PACS1: variants seen among roughly 807,000 people sequenced by gnomAD.
PACS1 encodes PACS-1.
A neutral mutation model predicts 115.0 loss-of-function variants in PACS1; 24 were observed. That is an observed-to-expected ratio of 0.21 (90% confidence interval 0.15 to 0.29). The LOEUF (loss-of-function observed/expected upper bound fraction) is 0.29, where lower values mean the gene tolerates loss of function less well. Among genes scored for constraint, PACS1 ranks in the 10% least tolerant of loss-of-function variants. The probability of loss-of-function intolerance (pLI) is 1.00; values close to 1 mark genes in which losing one functional copy is unlikely to be tolerated. For synonymous variants in PACS1, 453 were observed against 504.5 expected (o/e 0.90, Z 1.37); for missense variants, 838 against 1,251.2 (o/e 0.67, Z 4.98).
intron 1 of PACS1, among the ~76,000 whole-genome samples, chr11:66,132,943 CAGA>C (rs1056581096): frequency 5.9e-5 from 9 of 152,192 alleles, no homozygotes; most frequent in African/African-American, 1.9e-4. Context: ...GCTGGGATTA[CAGA>C]AGTGAGCCAT....
At chr11:66,117,676 ATCTCT>A (rs757966618) in intron 1 of PACS1, among the ~76,000 whole-genome samples, 2 of 151,234 alleles carry the variant, frequency 1.3e-5, no homozygotes, top group Non-Finnish European at 2.9e-5. Flanking sequence ...GAGAAACCCC[ATCTCT>A]ACTAAAAATA....
chr11:66,233,166 C>G lies in PACS1; in HGVS notation c.1838+100C>G, dbSNP rs1377228568. On this transcript the variant is annotated intron_variant, in intron 15 of 23. Coordinates refer to ENST00000320580, the MANE Select transcript of PACS1 (RefSeq NM_018026.4). This position sits in a 1 kb window ranked among gnomAD's most constrained non-coding sequence, Gnocchi z 4.5. Reference sequence around the variant, plus strand: ...CAATGATAGACCCTCCTGGCCTCATCAGACCAAGAATTTGCAGAGGGGCGT... The same window carrying G: ...CAATGATAGACCCTCCTGGCCTCATGAGACCAAGAATTTGCAGAGGGGCGT... The G allele has an allele frequency of 1.9e-5, 17 of 883,664 alleles. No individual in the cohort carries two copies. The highest frequency in any genetic ancestry group is 5.3e-6 in the Non-Finnish European group (3 of 561,350). The allele number at this position is 883,664 out of a possible 1,614,324, so 54.7% of individuals were successfully genotyped here. A position where few individuals can be genotyped will look rare whatever the true frequency, so the allele number is the denominator to read the frequency against.
intron 1 of PACS1, among the ~76,000 whole-genome samples, chr11:66,168,837 G>T (rs1361285383): frequency 6.7e-6 from 1 of 149,390 alleles, no homozygotes; most frequent in Non-Finnish European, 1.5e-5. Flanking sequence ...TTTGTTGCTG[G>T]TGTTTAGAAA....
intron 2 of PACS1, among the ~76,000 whole-genome samples, chr11:66,202,742 A>AATATATATATATAT (rs56203680): frequency 2.9e-4 from 21 of 71,572 alleles, no homozygotes; most frequent in African/African-American, 7.2e-4. Flanking sequence ...AAAAAAAAAA[A>AATATATATATATAT]ATATATATAT....
intron 1 of PACS1, among the ~76,000 whole-genome samples, chr11:66,162,905 T>A (rs993732360): frequency 5.3e-5 from 8 of 152,356 alleles, no homozygotes; most frequent in Non-Finnish European, 1.0e-4. Flanking sequence ...CTGATGGGTA[T>A]AATAAAATGA....
chr11:66,079,375 C>T (rs947497655), intron 1 of PACS1, among the ~76,000 whole-genome samples: 6 of 140,252 alleles, frequency 4.3e-5, no homozygotes, highest in Admixed American at 7.6e-5. Context: ...GTTTAGAACA[C>T]ACTAAGGCTT....
At chr11:66,159,171 CTCACG>C (rs1859430855) in intron 1 of PACS1, among the ~76,000 whole-genome samples, 1 of 152,204 alleles carries the variant, frequency 6.6e-6, no homozygotes. Context: ...GGCGTGGTGG[CTCACG>C]CCTATAATCC....
At chr11:66,164,404 C>G (rs1859553713) in intron 1 of PACS1, among the ~76,000 whole-genome samples, 1 of 150,876 alleles carries the variant, frequency 6.6e-6, no homozygotes, top group South Asian at 2.1e-4. Context: ...TGTCATTTGT[C>G]CTGTATGTAG....
chr11:66,102,462 C>G (rs991174800), intron 1 of PACS1, among the ~76,000 whole-genome samples: 1 of 151,618 alleles, frequency 6.6e-6, no homozygotes, highest in Non-Finnish European at 1.5e-5. Flanking sequence ...GCAGCTGGGA[C>G]TACAGGTGCA....
chr11:66,107,113 T>C (rs1858063764), intron 1 of PACS1, among the ~76,000 whole-genome samples: 1 of 152,210 alleles, frequency 6.6e-6, no homozygotes, highest in South Asian at 2.1e-4. Context: ...TTCAGTGGTC[T>C]GTGAGTCTAC....
intron 1 of PACS1, among the ~76,000 whole-genome samples, chr11:66,162,645 A>C (rs1467254531): frequency 6.6e-6 from 1 of 152,240 alleles, no homozygotes; most frequent in Non-Finnish European, 1.5e-5. Context: ...CTCCAGAGCT[A>C]TGAGAGAATA....
chr11:66,222,664 C>T (rs767284852), intron 10 of PACS1, among the ~76,000 whole-genome samples: 2 of 152,130 alleles, frequency 1.3e-5, no homozygotes, highest in Non-Finnish European at 1.5e-5. Flanking sequence ...GCAGATGAAG[C>T]CTACTCATGG....
chr11:66,106,682 A>G (rs889833646), intron 1 of PACS1, among the ~76,000 whole-genome samples: 1 of 152,026 alleles, frequency 6.6e-6, no homozygotes, highest in Non-Finnish European at 1.5e-5. Flanking sequence ...CTTGAGCCCA[A>G]GAGGTTGAGG....
intron 1 of PACS1, among the ~76,000 whole-genome samples, chr11:66,093,123 C>G (rs1381136067): frequency 6.6e-6 from 1 of 152,070 alleles, no homozygotes; most frequent in South Asian, 2.1e-4. Context: ...GCCATTTTCA[C>G]GATATTGATT....
At chr11:66,145,497 G>A (rs1173630835) in intron 1 of PACS1, among the ~76,000 whole-genome samples, 2 of 152,162 alleles carry the variant, frequency 1.3e-5, no homozygotes, top group South Asian at 2.1e-4. Flanking sequence ...TGGCAAACTA[G>A]CCCAAAACTT....
At chr11:66,112,979 A>G (rs572893107) in intron 1 of PACS1, among the ~76,000 whole-genome samples, 5 of 152,224 alleles carry the variant, frequency 3.3e-5, no homozygotes, top group Non-Finnish European at 7.3e-5. Flanking sequence ...GATTCCATTG[A>G]TATGAAATTC....
At chr11:66,208,263 C>T (rs1347162101) in intron 2 of PACS1, among the ~76,000 whole-genome samples, 2 of 152,110 alleles carry the variant, frequency 1.3e-5, no homozygotes, top group African/African-American at 4.8e-5. Context: ...GAAACAGCTC[C>T]CAGAGTAATC....
chr11:66,240,318 G>C (rs2134750533), intron 21 of PACS1, among the ~76,000 whole-genome samples: 1 of 152,254 alleles, frequency 6.6e-6, no homozygotes, highest in East Asian at 1.9e-4. Flanking sequence ...AGAGAGGGTG[G>C]AGGGGTGGGC....
At chr11:66,105,337 C>T (rs368031784) in intron 1 of PACS1, among the ~76,000 whole-genome samples, 2 of 152,256 alleles carry the variant, frequency 1.3e-5, no homozygotes, top group Non-Finnish European at 2.9e-5. Flanking sequence ...GAGGGAAAAT[C>T]GCTTGAACCG....
Sources: allele counts gnomAD v4.1 joint callset (sites outside exome capture counted in the v4.1 genomes callset), GRCh38; gene constraint gnomAD v4.1.1; non-coding constraint Gnocchi (gnomAD v3.1); transcripts MANE v1.5; gene names NCBI Gene and HGNC (gene_info 2026-07-23, HGNC 2026-07-21).